Variants in SETD2 observed in about 807,000 individuals in gnomAD.
SETD2 encodes histone-lysine N-methyltransferase SETD2.
SETD2 carries 31 observed loss-of-function variants against 242.1 expected under a neutral mutation model. The observed-to-expected ratio is 0.13, with a 90% CI of 0.10 to 0.17. SETD2 has a LOEUF of 0.17. Ranked by LOEUF, SETD2 falls within the 10% of genes least tolerant of loss-of-function variation. The pLI is 1.00. For missense variants in SETD2, 2,481 were observed against 3,046.3 expected (o/e 0.81, Z 4.37); for synonymous variants, 1,006 against 1,066.5 (o/e 0.94, Z 1.11).
chr3:47,031,704 A>C (rs2038777367), intron 18 of SETD2, among the ~76,000 whole-genome samples: 1 of 152,218 alleles, frequency 6.6e-6, no homozygotes, highest in Non-Finnish European at 1.5e-5. Flanking sequence ...GTTTTTTCAA[A>C]TGTGTAGGTA....
chr3:47,061,216 T>C (rs1340504746), intron 14 of SETD2, among the ~76,000 whole-genome samples: 3 of 151,072 alleles, frequency 2.0e-5, no homozygotes, highest in Admixed American at 2.0e-4. Context: ...AGGCTCTGTC[T>C]CAAAAAAAAA....
intron 16 of SETD2, among the ~76,000 whole-genome samples, chr3:47,045,144 T>C (rs1398886205): frequency 6.6e-6 from 1 of 152,026 alleles, no homozygotes; most frequent in Non-Finnish European, 1.5e-5. Flanking sequence ...TCCCAACACT[T>C]TGGGAGGCTG....
chr3:47,055,282 T>C (rs923004925), intron 15 of SETD2, among the ~76,000 whole-genome samples: 7 of 152,222 alleles, frequency 4.6e-5, no homozygotes, highest in Non-Finnish European at 1.0e-4. Context: ...CTAAGTATTA[T>C]GTGCAGGAAA....
chr3:47,038,303 A>G (rs981822673), intron 17 of SETD2, among the ~76,000 whole-genome samples: 2 of 152,180 alleles, frequency 1.3e-5, no homozygotes, highest in East Asian at 3.8e-4. Context: ...GACAAGAAAA[A>G]TACGTACAGG....
chr3:47,157,462 T>G, intron 1 of SETD2: 1 of 456,036 alleles, frequency 2.2e-6, no homozygotes, highest in Middle Eastern at 3.3e-4. Context: ...CATTTGAACA[T>G]GCTGAAATAT....
At chr3:47,143,694 C>G (rs2043787150) in intron 1 of SETD2, among the ~76,000 whole-genome samples, 1 of 152,072 alleles carries the variant, frequency 6.6e-6, no homozygotes, top group African/African-American at 2.4e-5. Flanking sequence ...TCTCAAATGT[C>G]AAGTTACATT....
At chr3:47,162,957 T>C (rs543288833) in intron 1 of SETD2, among the ~76,000 whole-genome samples, 2 of 152,194 alleles carry the variant, frequency 1.3e-5, no homozygotes, top group African/African-American at 4.8e-5. Flanking sequence ...GTGTGTCGGT[T>C]TTCCACAACA....
chr3:47,100,996 C>CAAG (rs2042188025), intron 8 of SETD2, among the ~76,000 whole-genome samples: 1 of 95,696 alleles, frequency 1.0e-5, no homozygotes, highest in Admixed American at 1.8e-4. Context: ...GGCGACAGAG[C>CAAG]AAGAGTCCAT....
chr3:47,101,442 T>C lies in SETD2; in HGVS notation c.5015+16A>G. 1.3e-6 allele frequency: 2 copies of C among 1,509,548 alleles called. No individual in the cohort carries two copies. The highest frequency in any genetic ancestry group is 1.8e-6 in the Non-Finnish European group (2 of 1,089,480). The allele number at this position is 1,509,548 out of a possible 1,614,324, so 93.5% of individuals were successfully genotyped here. Reference sequence around the variant, plus strand: ...TCCCCATCAGAAGCAGCAAAATTAGTAGAAACAATACTTACCCATATCTCT... The same window carrying C: ...TCCCCATCAGAAGCAGCAAAATTAGCAGAAACAATACTTACCCATATCTCT... On this transcript the variant is annotated intron_variant, in intron 8 of 20. Coordinates refer to ENST00000409792, the MANE Select transcript of SETD2 (RefSeq NM_014159.7).
chr3:47,077,045 T>G (rs942606174), intron 12 of SETD2, among the ~76,000 whole-genome samples: 1 of 152,130 alleles, frequency 6.6e-6, no homozygotes, highest in African/African-American at 2.4e-5. Flanking sequence ...AAGTAAGAAA[T>G]GGCAGGAGCC....
intron 15 of SETD2, 132 bp from the exon 16 acceptor site, chr3:47,046,753 TA>T: frequency 1.4e-6 from 1 of 709,350 alleles, no homozygotes; most frequent in Non-Finnish European, 2.0e-6. Flanking sequence ...TATTTGGACA[TA>T]AATGTGCAAA....
At chr3:47,089,453 A>G (rs2041704927) in intron 9 of SETD2, among the ~76,000 whole-genome samples, 1 of 152,222 alleles carries the variant, frequency 6.6e-6, no homozygotes, top group Non-Finnish European at 1.5e-5. Flanking sequence ...TCTCAAAAAA[A>G]GGCAAGGAAG....
chr3:47,024,213 C>T (rs1029485573), intron 18 of SETD2, among the ~76,000 whole-genome samples: 3 of 152,200 alleles, frequency 2.0e-5, no homozygotes, highest in African/African-American at 7.2e-5. Flanking sequence ...TGACTCACGC[C>T]TGTAATCCCA....
At chr3:47,146,792 T>G (rs2043866038) in intron 1 of SETD2, among the ~76,000 whole-genome samples, 1 of 151,744 alleles carries the variant, frequency 6.6e-6, no homozygotes, top group Non-Finnish European at 1.5e-5. Flanking sequence ...TTTAGAATTA[T>G]CCAGGTATAC....
At chr3:47,152,126 C>T (rs2044000073) in intron 1 of SETD2, among the ~76,000 whole-genome samples, 1 of 152,088 alleles carries the variant, frequency 6.6e-6, no homozygotes, top group South Asian at 2.1e-4. Context: ...TGTTTTTGTT[C>T]CTCAATAGAC....
intron 1 of SETD2, among the ~76,000 whole-genome samples, chr3:47,131,913 G>GACT (rs1195179703): frequency 6.6e-6 from 1 of 151,712 alleles, no homozygotes; most frequent in Non-Finnish European, 1.5e-5. Context: ...GAGTAGCTGG[G>GACT]ACTACAGGCG....
At chr3:47,162,740 A>G (rs1047399325) in intron 1 of SETD2, among the ~76,000 whole-genome samples, 3 of 152,324 alleles carry the variant, frequency 2.0e-5, no homozygotes, top group South Asian at 2.1e-4. Flanking sequence ...ACCCCTATCA[A>G]CCGATAAGTT....
At position 47,068,378 on chromosome 3, in the gene SETD2, T is replaced by A. The variant is rs537662190; in HGVS notation, c.6061-1260A>T. 1.1e-3 allele frequency among the ~76,000 whole-genome samples: 171 copies of A among 152,234 alleles called. 1 individual carries two copies. Among genetic ancestry groups the A allele is most frequent in the African/African-American group, 3.9e-3 (161 of 41,536 alleles). On this transcript the variant is annotated intron_variant, in intron 12 of 20. Coordinates refer to ENST00000409792, the MANE Select transcript of SETD2 (RefSeq NM_014159.7). ...CAGGGAAATCTATATAAATGAAAAA[T>A]TTTTTTAAACCTCCAATACTATATG... is the stretch of plus-strand genomic sequence containing the variant.
intron 9 of SETD2, among the ~76,000 whole-genome samples, chr3:47,094,722 G>C (rs757838151): frequency 5.9e-5 from 9 of 152,154 alleles, no homozygotes; most frequent in Non-Finnish European, 8.8e-5. Context: ...CATCATTCTA[G>C]GAACCTAGGT....
Sources: gnomAD v4.1 joint callset for allele counts (sites outside exome capture counted in the v4.1 genomes callset) on GRCh38, gnomAD v4.1.1 for gene constraint, MANE v1.5 for transcripts, NCBI Gene and HGNC (gene_info 2026-07-23, HGNC 2026-07-21) for gene names.